The following PTPRT variants were observed in gnomAD, a reference collection of about 807,000 sequenced individuals.
The protein encoded by PTPRT is protein tyrosine phosphatase receptor type T, also known as receptor-type tyrosine-protein phosphatase T.
A neutral mutation model predicts 176.8 loss-of-function variants in PTPRT; 56 were observed. That is an observed-to-expected ratio of 0.32 (90% CI 0.26 to 0.40). The LOEUF (loss-of-function observed/expected upper bound fraction) is 0.40, where lower values mean the gene tolerates loss of function less well. PTPRT is among the 10% of genes least tolerant of loss of function. PTPRT has a pLI of 1.00. For synonymous variants in PTPRT, 783 were observed against 739.0 expected, an observed-to-expected ratio of 1.06 and a Z score of -0.96; for missense variants, 1,540 against 1,908.2, an observed-to-expected ratio of 0.81 and a Z score of 3.60.
intron 7 of PTPRT, among the ~76,000 whole-genome samples, chr20:42,584,786 C>A (rs917593557): frequency 6.6e-6 from 1 of 152,170 alleles, no homozygotes; most frequent in Non-Finnish European, 1.5e-5. Context: ...GGGTGTAGGA[C>A]TGATCAATAA....
At chr20:42,181,842 C>T (rs757624932) in intron 16 of PTPRT, among the ~76,000 whole-genome samples, 1 of 151,784 alleles carries the variant, frequency 6.6e-6, no homozygotes, top group African/African-American at 2.4e-5. Flanking sequence ...AATGAATAAA[C>T]ATTTGCATAC....
intron 4 of PTPRT, among the ~76,000 whole-genome samples, chr20:42,773,373 G>T (rs1600722164): frequency 6.6e-6 from 1 of 152,132 alleles, no homozygotes; most frequent in African/African-American, 2.4e-5. Flanking sequence ...CGCTTATGAT[G>T]AGTCTGACAC....
intron 18 of PTPRT, among the ~76,000 whole-genome samples, chr20:42,141,112 G>A (rs1277282793): frequency 6.6e-6 from 1 of 152,134 alleles, no homozygotes; most frequent in African/African-American, 2.4e-5. Flanking sequence ...TTGAGCAAAG[G>A]CAATGTCCTT....
chr20:43,103,184 C>T (rs1421904818), intron 1 of PTPRT, among the ~76,000 whole-genome samples: 1 of 152,128 alleles, frequency 6.6e-6, no homozygotes, highest in African/African-American at 2.4e-5. Context: ...TTGGTGAGCA[C>T]TCACCCCTTG....
intron 8 of PTPRT, among the ~76,000 whole-genome samples, chr20:42,468,099 G>A (rs117561165): frequency 2.1e-3 from 322 of 152,364 alleles, no homozygotes; most frequent in Admixed American, 4.9e-3. Context: ...ATGGGGCTCA[G>A]CAGCCATGAG....
chr20:42,392,939 A>G (rs2058814893), intron 9 of PTPRT, among the ~76,000 whole-genome samples: 3 of 152,254 alleles, frequency 2.0e-5, no homozygotes, highest in Non-Finnish European at 4.4e-5. Context: ...GAAGGCCCAA[A>G]GAAAGAGGAA....
At chr20:42,348,589 C>T (rs2058231127) in intron 11 of PTPRT, among the ~76,000 whole-genome samples, 2 of 152,028 alleles carry the variant, frequency 1.3e-5, no homozygotes, top group South Asian at 4.1e-4. Context: ...TCTATATTTG[C>T]AAAATGAGGA....
intron 7 of PTPRT, among the ~76,000 whole-genome samples, chr20:42,559,088 T>C (rs955512702): frequency 6.6e-6 from 1 of 152,170 alleles, no homozygotes; most frequent in Non-Finnish European, 1.5e-5. Context: ...ATAATATCCT[T>C]AGTGCTTATT....
intron 2 of PTPRT, among the ~76,000 whole-genome samples, chr20:42,862,371 A>C (rs2078677884): frequency 6.6e-6 from 1 of 152,144 alleles, no homozygotes; most frequent in African/African-American, 2.4e-5. Context: ...ATGGCAGAAG[A>C]ACTGCAAAAT....
At chr20:42,564,083 AC>A (rs2072999205) in intron 7 of PTPRT, among the ~76,000 whole-genome samples, 1 of 152,064 alleles carries the variant, frequency 6.6e-6, no homozygotes, top group African/African-American at 2.4e-5. Flanking sequence ...GCTGGAGGTG[AC>A]TCATTTCTTC....
chr20:42,682,837 TTCTG>T (rs1166955424), intron 6 of PTPRT, among the ~76,000 whole-genome samples: 2 of 152,196 alleles, frequency 1.3e-5, no homozygotes, highest in African/African-American at 4.8e-5. Context: ...TCCAGAACAA[TTCTG>T]TCTTTCTTTT....
chr20:42,752,938 T>TTTGC (rs373317182), intron 6 of PTPRT, among the ~76,000 whole-genome samples: 79 of 152,228 alleles, frequency 5.2e-4, no homozygotes, highest in African/African-American at 1.8e-3. Context: ...ATTTTCTTGT[T>TTTGC]TTGCTTGGAT....
At chr20:42,216,318 C>T (rs1346241885) in intron 15 of PTPRT, among the ~76,000 whole-genome samples, 1 of 152,224 alleles carries the variant, frequency 6.6e-6, no homozygotes, top group Non-Finnish European at 1.5e-5. Flanking sequence ...GGACAACAAC[C>T]TTTTTGGCCT....
chr20:42,637,651 G>A (rs1273167136), intron 7 of PTPRT, among the ~76,000 whole-genome samples: 1 of 152,064 alleles, frequency 6.6e-6, no homozygotes. Flanking sequence ...ATTTTCACCT[G>A]AAGAATAATA....
intron 9 of PTPRT, among the ~76,000 whole-genome samples, chr20:42,378,381 T>C (rs2058669552): frequency 6.6e-6 from 1 of 152,244 alleles, no homozygotes; most frequent in Admixed American, 6.5e-5. Context: ...GGATTTGGGC[T>C]GTGTGGCACC....
At chr20:42,959,895 G>A (rs1444982713) in intron 1 of PTPRT, among the ~76,000 whole-genome samples, 1 of 152,178 alleles carries the variant, frequency 6.6e-6, no homozygotes. Context: ...AATGGACAGT[G>A]CCTTATCTTC....
chr20:42,663,137 T>C (rs1486969149), intron 7 of PTPRT, among the ~76,000 whole-genome samples: 3 of 152,124 alleles, frequency 2.0e-5, no homozygotes, highest in African/African-American at 7.2e-5. Context: ...AGAAACACTT[T>C]GATCTCAGAA....
chr20:42,309,931 G>T (rs555810166), intron 12 of PTPRT, among the ~76,000 whole-genome samples: 4 of 152,264 alleles, frequency 2.6e-5, no homozygotes, highest in Admixed American at 2.0e-4. Flanking sequence ...AATATAGAAA[G>T]ATAGTGGGTT....
At chr20:43,178,644 C>G (rs2015177536) in intron 1 of PTPRT, among the ~76,000 whole-genome samples, 1 of 152,200 alleles carries the variant, frequency 6.6e-6, no homozygotes, top group Non-Finnish European at 1.5e-5. Flanking sequence ...CAGAGCAGAA[C>G]AAGTTCCTTG....
Sources: allele counts gnomAD v4.1 joint callset (sites outside exome capture counted in the v4.1 genomes callset), GRCh38; gene constraint gnomAD v4.1.1; transcripts MANE v1.5; gene names NCBI Gene and HGNC (gene_info 2026-07-23, HGNC 2026-07-21).